Variants in TGFA observed in about 807,000 individuals in gnomAD.
The protein encoded by TGFA is protransforming growth factor alpha.
In TGFA, 12 loss-of-function variants were observed where a neutral mutation model predicts 21.7. The observed-to-expected ratio is 0.55, with a 90% CI of 0.35 to 0.90. The LOEUF (loss-of-function observed/expected upper bound fraction) is 0.90, where lower values mean the gene tolerates loss of function less well. Among genes scored for constraint, TGFA ranks in the 40% least tolerant of loss-of-function variants. The pLI is 0.01. For synonymous variants in TGFA, 79 were observed against 88.1 expected (o/e 0.90, Z 0.58); for missense variants, 178 against 210.8 (o/e 0.84, Z 0.96).
In TGFA at chr2:70,507,687, G is replaced by A. The variant is rs188212270; in HGVS notation, c.94+7172C>T. On this transcript the variant is annotated intron_variant, in intron 2 of 5. Coordinates refer to ENST00000295400, the MANE Select transcript of TGFA (RefSeq NM_003236.4). ...TTCACTTACTAATACTAAGGAATTC[G>A]GTTCGCTATTAATGTTAAGCTATTT... is the stretch of plus-strand genomic sequence containing the variant. 3.5e-4 allele frequency among the ~76,000 whole-genome samples: 53 copies of A among 152,286 alleles called. 1 individual carries two copies. In the East Asian group the frequency reaches 7.9e-3, roughly 23 times the overall value.
intron 3 of TGFA, among the ~76,000 whole-genome samples, chr2:70,456,909 G>T (rs1307808689): frequency 6.6e-6 from 1 of 152,238 alleles, no homozygotes; most frequent in East Asian, 1.9e-4. Flanking sequence ...GAAACCAGTG[G>T]AGACATTGGC....
Position 70,504,471 on chromosome 2 carries a change from T to C in TGFA, c.94+10388A>G, listed in dbSNP as rs868989837. Among the ~76,000 whole-genome samples the C allele has an allele frequency of 4.4e-3, 380 of 87,008 alleles. 7 individuals carry two copies. The highest frequency in any genetic ancestry group is 0.013 in the African/African-American group (299 of 22,828). 57.1% of individuals were successfully genotyped at this position (87,008 alleles called of 152,430 possible). A position where few individuals can be genotyped will look rare whatever the true frequency, so the allele number is the denominator to read the frequency against. Reference sequence around the variant, plus strand: ...ATATATATATATATATATACACACATACATACATACATACACACACACACA... The same window carrying C: ...ATATATATATATATATATACACACACACATACATACATACACACACACACA... On this transcript the variant is annotated intron_variant, in intron 2 of 5. Coordinates refer to ENST00000295400, the MANE Select transcript of TGFA (RefSeq NM_003236.4).
intron 3 of TGFA, among the ~76,000 whole-genome samples, chr2:70,462,742 C>G (rs1313318482): frequency 2.6e-5 from 4 of 152,118 alleles, no homozygotes; most frequent in Non-Finnish European, 4.4e-5. Flanking sequence ...TTTCTGCAGA[C>G]TGAATACTGT....
At chr2:70,472,182 G>A (rs11466234) in intron 2 of TGFA, among the ~76,000 whole-genome samples, 133 of 152,324 alleles carry the variant, frequency 8.7e-4, no homozygotes, top group African/African-American at 3.1e-3. Context: ...TCCAAAGAAA[G>A]TCTCCCCAAG....
In TGFA at chr2:70,465,755, C is replaced by T; in HGVS notation, c.95-19G>A. ...GGGTCTGCTGGGGAGAGGAAAGATG[C>T]AGGGCTCAGATCCAGGAACAGCTGA... is the stretch of plus-strand genomic sequence containing the variant. On this transcript the variant is annotated intron_variant, in intron 2 of 5. Coordinates refer to ENST00000295400, the MANE Select transcript of TGFA (RefSeq NM_003236.4). 6.2e-7 allele frequency: 1 copy of T among 1,613,020 alleles called. No homozygotes were observed. The highest frequency in any genetic ancestry group is 8.5e-7 in the Non-Finnish European group (1 of 1,179,696).
chr2:70,529,565 G>A (rs115472912), intron 1 of TGFA, among the ~76,000 whole-genome samples: 1,743 of 149,794 alleles, frequency 0.012, 39 homozygotes, highest in African/African-American at 0.04. Context: ...GGAAGAGCAC[G>A]TGCAAAGGTC....
At chr2:70,465,874 A>G in intron 2 of TGFA, 138 bp from the exon 3 acceptor site, 1 of 1,256,966 alleles carries the variant, frequency 8.0e-7, no homozygotes, top group Non-Finnish European at 1.1e-6. Context: ...CACCCTCCTC[A>G]GCTCTCACTT....
intron 1 of TGFA, among the ~76,000 whole-genome samples, chr2:70,543,248 C>T (rs1310139972): frequency 6.6e-6 from 1 of 151,850 alleles, no homozygotes; most frequent in African/African-American, 2.4e-5. Flanking sequence ...TATTACTAGG[C>T]CTGGCATGGT....
chr2:70,508,820 C>T (rs782582431), intron 2 of TGFA, among the ~76,000 whole-genome samples: 2 of 152,116 alleles, frequency 1.3e-5, no homozygotes, highest in African/African-American at 4.8e-5. Flanking sequence ...GATGGCAGAA[C>T]GGAGGTTCAA....
chr2:70,508,759 T>C (rs1323949470), intron 2 of TGFA, among the ~76,000 whole-genome samples: 2 of 152,240 alleles, frequency 1.3e-5, no homozygotes, highest in Admixed American at 6.5e-5. Context: ...AAAGTGATTC[T>C]GCAACTCAGT....
chr2:70,491,685 G>C (rs1385226071), intron 2 of TGFA, among the ~76,000 whole-genome samples: 2 of 152,166 alleles, frequency 1.3e-5, no homozygotes, highest in African/African-American at 4.8e-5. Flanking sequence ...ATGACTGTTG[G>C]CACTGCCTTT....
intron 1 of TGFA, among the ~76,000 whole-genome samples, chr2:70,521,552 A>C (rs946462357): frequency 1.3e-5 from 2 of 151,920 alleles, no homozygotes; most frequent in Admixed American, 6.6e-5. Context: ...ATTGAGTGAC[A>C]CACAATAAAC....
chr2:70,477,379 A>G (rs3755384), intron 2 of TGFA, among the ~76,000 whole-genome samples: 85,429 of 152,038 alleles, frequency 0.56, 24,408 homozygotes, highest in African/African-American at 0.65. Context: ...AGTACAGCCT[A>G]TTTGATCCAT....
At chr2:70,528,837 C>G (rs1485048627) in intron 1 of TGFA, among the ~76,000 whole-genome samples, 10 of 152,104 alleles carry the variant, frequency 6.6e-5, no homozygotes, top group Non-Finnish European at 1.0e-4. Flanking sequence ...GGGAGGGCTC[C>G]CAAGTGGGTA....
chr2:70,502,061 C>A (rs1427811258), intron 2 of TGFA, among the ~76,000 whole-genome samples: 1 of 152,220 alleles, frequency 6.6e-6, no homozygotes, highest in African/African-American at 2.4e-5. Context: ...CCCTCCTGTG[C>A]CTCTGCTTCT....
At chr2:70,488,803 AT>A (rs1671342784) in intron 2 of TGFA, among the ~76,000 whole-genome samples, 1 of 152,224 alleles carries the variant, frequency 6.6e-6, no homozygotes, top group Non-Finnish European at 1.5e-5. Context: ...CTAGTCACAA[AT>A]GTGCTATGCT....
rs141630301 is a variant in TGFA at position 70,482,587 on chromosome 2, T to C, written c.95-16851A>G. ...GGCTGTTTCTCCACTTAAACTACTGTCAAATTTGGCCTCATATCTTCCTGA... is the reference window on the plus strand; with the variant it reads ...GGCTGTTTCTCCACTTAAACTACTGCCAAATTTGGCCTCATATCTTCCTGA... On this transcript the variant is annotated intron_variant, in intron 2 of 5. Transcript: ENST00000295400. Among the ~76,000 whole-genome samples, 602 of 152,364 alleles carry C rather than the reference T, an allele frequency of 4.0e-3. 4 individuals carry two copies. Among genetic ancestry groups the C allele is most frequent in the African/African-American group, 0.014 (579 of 41,580 alleles).
At chr2:70,480,639 C>T (rs1671087342) in intron 2 of TGFA, among the ~76,000 whole-genome samples, 1 of 152,168 alleles carries the variant, frequency 6.6e-6, no homozygotes, top group Non-Finnish European at 1.5e-5. Context: ...CCCCCACCAA[C>T]CACTTAAAAA....
intron 2 of TGFA, among the ~76,000 whole-genome samples, chr2:70,498,783 CT>C (rs1671648789): frequency 6.6e-6 from 1 of 152,248 alleles, no homozygotes; most frequent in African/African-American, 2.4e-5. Context: ...TTGACAAATG[CT>C]TTCACATTCA....
Sources: gnomAD v4.1 joint callset for allele counts (sites outside exome capture counted in the v4.1 genomes callset) on GRCh38, gnomAD v4.1.1 for gene constraint, MANE v1.5 for transcripts, NCBI Gene and HGNC (gene_info 2026-07-23, HGNC 2026-07-21) for gene names.